DBX2: variants seen among roughly 807,000 people sequenced by gnomAD.
DBX2 encodes the protein homeobox protein DBX2.
In DBX2, 16 loss-of-function variants were observed where a neutral mutation model predicts 17.7. The observed-to-expected ratio is 0.90, with a 90% CI of 0.61 to 1.37. DBX2 has a LOEUF of 1.37. DBX2 is among the 40% of genes most tolerant of loss of function. The pLI, the probability that DBX2 is intolerant of heterozygous loss-of-function variation, is 0.00. For missense variants in DBX2, 538 were observed against 433.8 expected (o/e 1.24, Z -2.13); for synonymous variants, 255 against 183.8 (o/e 1.39, Z -3.13).
chr12:45,031,324 A>C (rs1444054305), intron 2 of DBX2, among the ~76,000 whole-genome samples: 1 of 151,402 alleles, frequency 6.6e-6, no homozygotes, highest in Non-Finnish European at 1.5e-5. Flanking sequence ...GTGTGATTTA[A>C]ATTAAAAGTC....
At chr12:45,034,740 T>C (rs1024158267) in intron 2 of DBX2, among the ~76,000 whole-genome samples, 9 of 152,200 alleles carry the variant, frequency 5.9e-5, no homozygotes. Context: ...TTTACTGCTT[T>C]ATTTTTCAGT....
At chr12:45,023,510 T>C (rs867975251) in intron 3 of DBX2, among the ~76,000 whole-genome samples, 197 bp downstream of exon 3, 18 of 152,140 alleles carry the variant, frequency 1.2e-4, no homozygotes, top group African/African-American at 3.6e-4. Flanking sequence ...ACTAAAAAAT[T>C]ATGAAAAGCA....
At chr12:45,034,982 G>A (rs756252525) in intron 2 of DBX2, among the ~76,000 whole-genome samples, 1 of 152,218 alleles carries the variant, frequency 6.6e-6, no homozygotes, top group Non-Finnish European at 1.5e-5. Context: ...CACCCATTGT[G>A]GCCAGGCCCC....
In DBX2 at chr12:45,050,628, T is replaced by C. The variant is rs1394128508; in HGVS notation, c.300A>G (p.Gly100=). Residue 100 remains glycine (G), a synonymous_variant, in exon 1 of 4, where the codon GGA becomes GGG. Coordinates refer to ENST00000332700, the MANE Select transcript of DBX2 (RefSeq NM_001004329.3). ...TGAGCACTTGAAAAGCCCACCGCGT[T>C]CCGTAGGGCGCCCCGGCGGGGCTAA... The part of the protein sequence containing the change: ...EQVSPAGAPY[G]TRWAFQVLSP... 6.5e-7 allele frequency: 1 copy of C among 1,549,860 alleles called. No homozygotes were observed. The highest frequency in any genetic ancestry group is 2.0e-5 in the Admixed American group (1 of 51,058).
At position 45,016,625 on chromosome 12, in the gene DBX2, A is replaced by G. The variant is rs749487654; in HGVS notation, c.688-7T>C. The G allele has an allele frequency of 6.6e-7, 1 of 1,517,380 alleles. No homozygotes were observed. The highest frequency in any genetic ancestry group is 1.3e-5 in the South Asian group (1 of 74,078). 94.0% of individuals were successfully genotyped at this position (1,517,380 alleles called of 1,614,324 possible). On this transcript the variant is annotated splice_region_variant and splice_polypyrimidine_tract_variant and intron_variant, in intron 3 of 3. Transcript: ENST00000332700. ...TCTGAAACCAAATTTTCACCTATTG[A>G]CAAAATAATTGCACAAAATGATCAC...
chr12:45,019,445 T>A (rs866099560), intron 3 of DBX2, among the ~76,000 whole-genome samples: 5 of 152,234 alleles, frequency 3.3e-5, no homozygotes, highest in South Asian at 4.1e-4. Flanking sequence ...GCAACATTTT[T>A]AAAATCATAA....
At chr12:45,043,028 G>T (rs1946480038) in intron 1 of DBX2, among the ~76,000 whole-genome samples, 1 of 152,166 alleles carries the variant, frequency 6.6e-6, no homozygotes. Context: ...TGTCACAGAA[G>T]AGAATACTAT....
chr12:45,036,244 A>C, intron 1 of DBX2, 130 bp from the exon 2 acceptor site: 1 of 833,454 alleles, frequency 1.2e-6, no homozygotes, highest in South Asian at 2.8e-5. Context: ...TAAAGTTATT[A>C]TAAAGTAGCC....
intron 1 of DBX2, among the ~76,000 whole-genome samples, chr12:45,049,285 T>C (rs574128783): frequency 6.6e-6 from 1 of 152,372 alleles, no homozygotes; most frequent in Non-Finnish European, 1.5e-5. Context: ...ATTAACTCTC[T>C]TCCAAGTGAA....
chr12:45,042,881 T>C (rs1351627386), intron 1 of DBX2, among the ~76,000 whole-genome samples: 2 of 152,176 alleles, frequency 1.3e-5, no homozygotes, highest in African/African-American at 4.8e-5. Context: ...CTGTGGGACG[T>C]TAGTTCACCA....
intron 1 of DBX2, among the ~76,000 whole-genome samples, chr12:45,042,354 C>G (rs1212415673): frequency 1.3e-5 from 2 of 152,098 alleles, no homozygotes; most frequent in African/African-American, 4.8e-5. Context: ...AGGCTTTAAG[C>G]AGGAGAAACA....
Position 45,039,277 on chromosome 12 carries a change from G to GTATATA in DBX2, c.404-3169_404-3164dup, listed in dbSNP as rs58371508. On this transcript the variant is annotated intron_variant, in intron 1 of 3. Transcript: ENST00000332700. ...TTTAAAACAATGCACTGCATTGAAG[G>GTATATA]TATATATATATATATATATATATAT... is the stretch of plus-strand genomic sequence containing the variant. Among the ~76,000 whole-genome samples, 89 of 90,276 alleles carry GTATATA rather than the reference G, an allele frequency of 9.9e-4. 2 individuals are homozygous for GTATATA. The highest frequency in any genetic ancestry group is 1.4e-3 in the Non-Finnish European group (59 of 42,056). 59.2% of individuals were successfully genotyped at this position (90,276 alleles called of 152,430 possible). A position where few individuals can be genotyped will look rare whatever the true frequency, so the allele number is the denominator to read the frequency against.
At chr12:45,022,986 CGG>C (rs1294479713) in intron 3 of DBX2, among the ~76,000 whole-genome samples, 3 of 152,038 alleles carry the variant, frequency 2.0e-5, no homozygotes, top group African/African-American at 7.2e-5. Flanking sequence ...ATTTAGAAAA[CGG>C]GGATTATTAT....
intron 2 of DBX2, 134 bp from the exon 3 acceptor site, chr12:45,024,028 A>G: frequency 3.6e-6 from 3 of 835,062 alleles, no homozygotes; most frequent in Non-Finnish European, 5.1e-6. Context: ...CACTTAAAGC[A>G]GTACTTCCTA....
At position 45,016,374 on chromosome 12, in the gene DBX2, G is replaced by A. The variant is rs1946323379; in HGVS notation, c.932C>T (p.Pro311Leu). 6.2e-7 allele frequency: 1 copy of A among 1,613,326 alleles called. No homozygotes were observed. The highest frequency in any genetic ancestry group is 1.3e-5 in the African/African-American group (1 of 74,862). The change falls in exon 4 of 4, where the codon CCC becomes CTC. Residue 311 changes from proline to leucine, a missense_variant. By Grantham distance (98) the Pro-to-Leu change is moderately conservative. Coordinates refer to ENST00000332700, the MANE Select transcript of DBX2 (RefSeq NM_001004329.3). ...ACCTTGCAGTGAATTTGCTTCTGGG[G>A]GTGGTGCCCCTGAACTCTCCTGGAT... Reference protein sequence around the residue: ...RLIQESSGAPPPEANSLQGAL... With the variant: ...RLIQESSGAPLPEANSLQGAL...
chr12:45,036,965 CTATT>C (rs1372116318), intron 1 of DBX2, among the ~76,000 whole-genome samples: 1 of 152,088 alleles, frequency 6.6e-6, no homozygotes, highest in African/African-American at 2.4e-5. Context: ...AATGCATGAA[CTATT>C]TATTATTACT....
chr12:45,039,776 C>T lies in DBX2; in HGVS notation c.404-3662G>A, dbSNP rs536922171. On this transcript the variant is annotated intron_variant, in intron 1 of 3. Transcript: ENST00000332700. ...AAAGATTTAACATAATAATTAATTA[C>T]TAGCCATGAGGGATAGAGATTTCAT... Among the ~76,000 whole-genome samples the T allele has an allele frequency of 3.9e-5, 6 of 152,002 alleles. No homozygotes were observed. In the East Asian group the frequency reaches 1.2e-3, roughly 30 times the overall value.
chr12:45,047,694 A>T (rs1946507312), intron 1 of DBX2, among the ~76,000 whole-genome samples: 1 of 152,102 alleles, frequency 6.6e-6, no homozygotes, highest in Non-Finnish European at 1.5e-5. Context: ...CTGATTTATT[A>T]TTGTGATACT....
intron 1 of DBX2, among the ~76,000 whole-genome samples, chr12:45,042,920 C>T (rs145819294): frequency 3.3e-4 from 51 of 152,318 alleles, no homozygotes; most frequent in African/African-American, 1.2e-3. Context: ...AGGGTCATCA[C>T]CTCTGCTGCC....
Sources: gnomAD v4.1 joint callset for allele counts (sites outside exome capture counted in the v4.1 genomes callset) on GRCh38, gnomAD v4.1.1 for gene constraint, MANE v1.5 for transcripts, NCBI Gene and HGNC (gene_info 2026-07-23, HGNC 2026-07-21) for gene names.